PCDHGB2: variants seen among roughly 807,000 people sequenced by gnomAD.
PCDHGB2 encodes the protein protocadherin gamma subfamily B, 2.
In PCDHGB2, 55 loss-of-function variants were observed where a neutral mutation model predicts 59.3. The ratio of observed to expected loss-of-function variants is 0.93; its 90% CI spans 0.75 to 1.16. The LOEUF is 1.16. Ranked by LOEUF, PCDHGB2 falls within the 50% of genes most tolerant of loss-of-function variation. The pLI is 0.00. For missense variants in PCDHGB2, 1,228 were observed against 1,198.5 expected, an observed-to-expected ratio of 1.02 and a Z score of -0.36; for synonymous variants, 516 against 512.0, an observed-to-expected ratio of 1.01 and a Z score of -0.11.
chr5:141,489,491 T>C lies in PCDHGB2; in HGVS notation c.2422-5316T>C. On this transcript the variant is annotated intron_variant, in intron 1 of 3. Transcript: ENST00000522605. This position sits in a 1 kb window ranked among gnomAD's most constrained non-coding sequence, Gnocchi z 4.5. ...TCCCTGAGCTTGATGAGTGGTGCCC[T>C]GGCAGTGAATCAAAAGATTGACCGA... The C allele has an allele frequency of 6.2e-7, 1 of 1,614,066 alleles. No individual in the cohort carries two copies. The highest frequency in any genetic ancestry group is 8.5e-7 in the Non-Finnish European group (1 of 1,180,024).
rs1389286417 is a variant in PCDHGB2 at position 141,432,046 on chromosome 5, C to T, written c.2422-62761C>T. ...CAGTGACCGCCACTGACCGGGGAAC[C>T]CCGCCCCTATCCACGGAAACTCATA... On this transcript the variant is annotated intron_variant, in intron 1 of 3. Transcript: ENST00000522605. This position sits in a 1 kb window ranked among gnomAD's most constrained non-coding sequence, Gnocchi z 6.0. 3.1e-6 allele frequency: 5 copies of T among 1,614,224 alleles called. No homozygotes were observed. The highest frequency in any genetic ancestry group is 2.2e-5 in the East Asian group (1 of 44,886).
At chr5:141,478,488 G>A in intron 1 of PCDHGB2, 1 of 1,613,320 alleles carries the variant, frequency 6.2e-7, no homozygotes, top group Non-Finnish European at 8.5e-7. Context: ...ACGCTGCGGA[G>A]CTGTGATCCG....
chr5:141,409,474 C>T, intron 1 of PCDHGB2: 1 of 1,614,002 alleles, frequency 6.2e-7, no homozygotes, highest in Non-Finnish European at 8.5e-7. Flanking sequence ...CCATCGTAGC[C>T]ACTGACAGGG....
chr5:141,500,835 A>G (rs965204931), intron 2 of PCDHGB2, among the ~76,000 whole-genome samples: 13 of 152,118 alleles, frequency 8.5e-5, no homozygotes, highest in African/African-American at 3.1e-4. Context: ...TCTAATGCTA[A>G]TGGGCTTTTG....
intron 1 of PCDHGB2, chr5:141,393,474 C>T (rs773609499): frequency 6.2e-7 from 1 of 1,613,926 alleles, no homozygotes; most frequent in African/African-American, 1.3e-5. Context: ...CGGCAAGCCG[C>T]CTCGCTCTAG....
At chr5:141,478,020 A>G (rs1315422039) in intron 1 of PCDHGB2, 2 of 1,613,976 alleles carry the variant, frequency 1.2e-6, no homozygotes, top group Non-Finnish European at 1.7e-6. Flanking sequence ...CGTCCAGTCC[A>G]AGACACAGAT....
chr5:141,420,042 A>T, intron 1 of PCDHGB2: 2 of 1,614,048 alleles, frequency 1.2e-6, no homozygotes, highest in Non-Finnish European at 8.5e-7. Context: ...GACTGCTTTG[A>T]GTCAGTTCTC....
At position 141,489,783 on chromosome 5, in the gene PCDHGB2, T is replaced by C; in HGVS notation, c.2422-5024T>C. The C allele has an allele frequency of 6.2e-7, 1 of 1,614,164 alleles. No individual in the cohort carries two copies. On this transcript the variant is annotated intron_variant, in intron 1 of 3. Transcript: ENST00000522605. The surrounding 1 kb of genome is among the most constrained non-coding windows in gnomAD (Gnocchi z 4.5). ...GCCCCAACAGCCACTTCTCTCTGAA[T>C]GTGAAGACCCTAAAAGATGGGAAGC... is the stretch of plus-strand genomic sequence containing the variant.
rs763303627 is a variant in PCDHGB2 at position 141,489,719 on chromosome 5, C to T, written c.2422-5088C>T. The T allele has an allele frequency of 1.4e-5, 22 of 1,613,946 alleles. No homozygotes were observed. The highest frequency in any genetic ancestry group is 9.3e-5 in the African/African-American group (7 of 74,924). On this transcript the variant is annotated intron_variant, in intron 1 of 3. Coordinates refer to ENST00000522605, the MANE Select transcript of PCDHGB2 (RefSeq NM_018923.3). The surrounding 1 kb of genome is among the most constrained non-coding windows in gnomAD (Gnocchi z 4.5). ...TTCCCACTGGACAGTGCCCAGGATCCGGATGTGGGCACCAATACTGTGAGC... is the reference window on the plus strand; with the variant it reads ...TTCCCACTGGACAGTGCCCAGGATCTGGATGTGGGCACCAATACTGTGAGC...
intron 1 of PCDHGB2, chr5:141,376,562 C>G: frequency 1.2e-6 from 2 of 1,608,850 alleles, no homozygotes; most frequent in Non-Finnish European, 8.5e-7. Context: ...CGCAACCCAA[C>G]TAATCAGACA....
intron 1 of PCDHGB2, chr5:141,421,975 G>T: frequency 6.2e-7 from 1 of 1,610,052 alleles, no homozygotes; most frequent in African/African-American, 1.3e-5. Context: ...CGTATATCGC[G>T]TGAGTGTTCC....
At chr5:141,376,381 T>A in intron 1 of PCDHGB2, 2 of 1,613,972 alleles carry the variant, frequency 1.2e-6, no homozygotes, top group Non-Finnish European at 1.7e-6. Flanking sequence ...CGCGTAAGAG[T>A]CATCTGATTT....
At chr5:141,362,700 T>G in intron 1 of PCDHGB2, 144 bp downstream of exon 1, 6 of 1,033,758 alleles carry the variant, frequency 5.8e-6, no homozygotes, top group Non-Finnish European at 8.2e-6. Context: ...CTAACTGAAT[T>G]TTAAGTGTTT....
intron 1 of PCDHGB2, among the ~76,000 whole-genome samples, chr5:141,363,604 C>T (rs907704240): frequency 6.6e-6 from 1 of 152,196 alleles, no homozygotes; most frequent in Non-Finnish European, 1.5e-5. Flanking sequence ...CAAACGCTGT[C>T]TGAGATAGTG....
In PCDHGB2 at chr5:141,408,993, T is replaced by G. The variant is rs1258002192; in HGVS notation, c.2421+46437T>G. The G allele has an allele frequency of 1.2e-6, 2 of 1,613,814 alleles. No homozygotes were observed. The highest frequency in any genetic ancestry group is 2.7e-5 in the African/African-American group (2 of 74,912). On this transcript the variant is annotated intron_variant, in intron 1 of 3. Transcript: ENST00000522605. Reference sequence around the variant, plus strand: ...CCCCCTGGGTCCCCTGTGTTGCAAGTGACAGCCACTGACCAGGATGAGGGG... The same window carrying G: ...CCCCCTGGGTCCCCTGTGTTGCAAGGGACAGCCACTGACCAGGATGAGGGG...
intron 1 of PCDHGB2, chr5:141,371,657 G>T: frequency 6.2e-7 from 1 of 1,613,988 alleles, no homozygotes; most frequent in Non-Finnish European, 8.5e-7. Context: ...ACAATGTGAC[G>T]ATCACAGCTA....
In PCDHGB2 at chr5:141,431,878, C is replaced by T. The variant is rs2097425306; in HGVS notation, c.2422-62929C>T. The T allele has an allele frequency of 1.2e-6, 2 of 1,614,054 alleles. No individual in the cohort carries two copies. The highest frequency in any genetic ancestry group is 1.7e-5 in the Admixed American group (1 of 60,010). ...TAATTGCCCTTTTAAATGTAAATGACCAAGATTCTGAGGAAAACGGACAGG... is the reference window on the plus strand; with the variant it reads ...TAATTGCCCTTTTAAATGTAAATGATCAAGATTCTGAGGAAAACGGACAGG... On this transcript the variant is annotated intron_variant, in intron 1 of 3. Transcript: ENST00000522605. The surrounding 1 kb of genome is among the most constrained non-coding windows in gnomAD (Gnocchi z 4.8).
At chr5:141,364,180 C>G (rs1476637020) in intron 1 of PCDHGB2, 2 of 899,976 alleles carry the variant, frequency 2.2e-6, no homozygotes, top group African/African-American at 3.4e-5. Context: ...TCTGCTCCCT[C>G]CATACTAAAC....
At chr5:141,400,411 T>G in intron 1 of PCDHGB2, 1 of 1,614,062 alleles carries the variant, frequency 6.2e-7, no homozygotes, top group Non-Finnish European at 8.5e-7. Flanking sequence ...GGAGTTTAAT[T>G]TCCTAAAATG....
Sources: allele counts gnomAD v4.1 joint callset (sites outside exome capture counted in the v4.1 genomes callset), GRCh38; gene constraint gnomAD v4.1.1; non-coding constraint Gnocchi (gnomAD v3.1); transcripts MANE v1.5; gene names NCBI Gene and HGNC (gene_info 2026-07-23, HGNC 2026-07-21).